The following ZNF529 variants were observed in gnomAD, a reference collection of about 807,000 sequenced individuals.
ZNF529 encodes zinc finger protein 529.
A neutral mutation model predicts 10.1 loss-of-function variants in ZNF529; 11 were observed. That is an observed-to-expected ratio of 1.09 (90% CI 0.69 to 1.81). The LOEUF is 1.81. Among genes scored for constraint, ZNF529 ranks in the 40% most tolerant of loss-of-function variants. The pLI is 0.00. For missense variants in ZNF529, 624 were observed against 666.8 expected, an observed-to-expected ratio of 0.94 and a Z score of 0.71; for synonymous variants, 204 against 215.7, an observed-to-expected ratio of 0.95 and a Z score of 0.47.
intron 4 of ZNF529, among the ~76,000 whole-genome samples, chr19:36,548,681 C>T (rs1237567601): frequency 6.6e-6 from 1 of 152,174 alleles, no homozygotes; most frequent in Non-Finnish European, 1.5e-5. Context: ...GTTTTCCTCC[C>T]CAAAAATAAA....
At chr19:36,601,287 G>A (rs993220569) in intron 1 of ZNF529, among the ~76,000 whole-genome samples, 4 of 150,720 alleles carry the variant, frequency 2.7e-5, no homozygotes, top group African/African-American at 9.8e-5. Flanking sequence ...TTTATTTTTA[G>A]TAGAAATGGA....
At chr19:36,602,582 A>T (rs1218202075) in intron 1 of ZNF529, among the ~76,000 whole-genome samples, 1 of 152,070 alleles carries the variant, frequency 6.6e-6, no homozygotes, top group East Asian at 1.9e-4. Context: ...CCCAGAGACC[A>T]TTATACCATA....
In ZNF529 at chr19:36,547,398, A is replaced by C; in HGVS notation, c.1160T>G (p.Ile387Ser). Reference protein sequence around the residue: ...VCRELARHQRIHTGKKPYECK... With the variant: ...VCRELARHQRSHTGKKPYECK... The stretch of plus-strand genomic sequence containing the variant: ...TTCATAGGGTTTCTTACCAGTATGA[A>C]TTCTCTGATGACGAGCAAGTTCTCT... Residue 387 changes from isoleucine to serine, a missense_variant, in exon 5 of 5, where the codon ATT (isoleucine) becomes AGT (serine). Transcript: ENST00000591340. The C allele has an allele frequency of 6.2e-7, 1 of 1,613,938 alleles. No individual in the cohort carries two copies. The highest frequency in any genetic ancestry group is 1.3e-5 in the African/African-American group (1 of 75,008).
chr19:36,596,574 G>A (rs920021725), intron 1 of ZNF529, among the ~76,000 whole-genome samples: 1 of 151,744 alleles, frequency 6.6e-6, no homozygotes, highest in African/African-American at 2.4e-5. Context: ...CTGGAGTACA[G>A]TGACTTGGTC....
rs2035117263 is a variant in ZNF529, at chr19:36,548,049, G to A, written c.509C>T (p.Pro170Leu). Residue 170 changes from proline to leucine, a missense_variant, in exon 5 of 5, where the codon CCC (proline) becomes CTC (leucine). Physicochemically the swap from Pro to Leu is moderately conservative, Grantham distance 98. Transcript: ENST00000591340. ...LPRRTHDSEK[P>L]YEYKEYEKVF... ...CTTCTCATATTCCTTGTATTCATAG[G>A]GCTTCTCACTGTCATGAGTTCTCCG... 6.2e-7 allele frequency: 1 copy of A among 1,613,576 alleles called. No individual in the cohort carries two copies. Among genetic ancestry groups the A allele is most frequent in the African/African-American group, 1.3e-5 (1 of 74,842 alleles).
intron 1 of ZNF529, among the ~76,000 whole-genome samples, chr19:36,592,982 C>G (rs56917177): frequency 2.7e-3 from 418 of 152,158 alleles, no homozygotes; most frequent in African/African-American, 9.7e-3. Flanking sequence ...AAACTTCCAG[C>G]TATAATATAG....
At chr19:36,558,641 A>G (rs372911562) in intron 2 of ZNF529, among the ~76,000 whole-genome samples, 9 of 152,296 alleles carry the variant, frequency 5.9e-5, no homozygotes, top group African/African-American at 2.2e-4. Flanking sequence ...TTAACTCAAA[A>G]TGGATTAAAG....
chr19:36,548,211 C>G lies in ZNF529; in HGVS notation c.347G>C (p.Gly116Ala), dbSNP rs567118907. ...TTGCCAGTCATTTCTGAAAATGGAACCTTCAAGGCCACATAACTTGCTACT... is the reference window on the plus strand; with the variant it reads ...TTGCCAGTCATTTCTGAAAATGGAAGCTTCAAGGCCACATAACTTGCTACT... ...MESSKLCGLEGSIFRNDWQSK... is the reference protein window; with the variant it reads ...MESSKLCGLEASIFRNDWQSK... The change falls in exon 5 of 5, where the codon GGT (glycine) becomes GCT (alanine). Residue 116 changes from glycine (G) to alanine (A), a missense_variant. Coordinates refer to ENST00000591340, the MANE Select transcript of ZNF529 (RefSeq NM_020951.5). The G allele has an allele frequency of 2.5e-6, 4 of 1,613,810 alleles. No individual in the cohort carries two copies. The highest frequency in any genetic ancestry group is 1.7e-6 in the Non-Finnish European group (2 of 1,179,844).
rs1568573574 is a variant in ZNF529, at chr19:36,548,089, A to T, written c.469T>A (p.Ser157Thr). Residue 157 changes from serine (S) to threonine (T), a missense_variant, in exon 5 of 5, where the codon TCT becomes ACT. By Grantham distance (58) the Ser-to-Thr change is moderately conservative. Coordinates refer to ENST00000591340, the MANE Select transcript of ZNF529 (RefSeq NM_020951.5). ...TGAGTTCTCCGAGGTAAAGTAAGAG[A>T]TTCATGAGTTTTGTAACTGGGCACA... Reference protein sequence around the residue: ...ENVPSYKTHESLTLPRRTHDS... With the variant: ...ENVPSYKTHETLTLPRRTHDS... 7 of 1,613,860 alleles carry T rather than the reference A, an allele frequency of 4.3e-6. No individual in the cohort carries two copies. Among genetic ancestry groups the T allele is most frequent in the Non-Finnish European group, 5.9e-6 (7 of 1,179,858 alleles).
chr19:36,585,430 C>T (rs2036559882), intron 2 of ZNF529, among the ~76,000 whole-genome samples: 1 of 152,184 alleles, frequency 6.6e-6, no homozygotes, highest in African/African-American at 2.4e-5. Flanking sequence ...CCCACCTGCA[C>T]TGTTTTTAGT....
At chr19:36,565,744 G>A (rs1371545533) in intron 2 of ZNF529, among the ~76,000 whole-genome samples, 5 of 151,994 alleles carry the variant, frequency 3.3e-5, no homozygotes, top group Non-Finnish European at 5.9e-5. Context: ...TACCTAAATA[G>A]GCAAATACAA....
At chr19:36,600,025 T>C (rs183636635) in intron 1 of ZNF529, among the ~76,000 whole-genome samples, 2 of 152,176 alleles carry the variant, frequency 1.3e-5, no homozygotes, top group East Asian at 3.9e-4. Context: ...TGTGCCACCG[T>C]GCCCAGCTAA....
rs956280518 is a variant in ZNF529 at position 36,573,246 on chromosome 19, G to T, written c.-153C>A. Reference sequence around the variant, plus strand: ...CACCTCACCGCGAGCTCCTCCCGCAGCCCGGCCCGGGTCACCTCGACTCGC... The same window carrying T: ...CACCTCACCGCGAGCTCCTCCCGCATCCCGGCCCGGGTCACCTCGACTCGC... On this transcript the variant is annotated 5_prime_UTR_variant, in exon 1 of 5. It adds an upstream start codon to the 5' untranslated region. Coordinates refer to ENST00000591340, the MANE Select transcript of ZNF529 (RefSeq NM_020951.5). The T allele has an allele frequency of 6.4e-6, 2 of 311,948 alleles. No homozygotes were observed. The highest frequency in any genetic ancestry group is 4.9e-5 in the South Asian group (2 of 41,080). The allele number at this position is 311,948 out of a possible 1,614,324, so 19.3% of individuals were successfully genotyped here. A position where few individuals can be genotyped will look rare whatever the true frequency, so the allele number is the denominator to read the frequency against.
chr19:36,591,388 T>C (rs906160522), intron 1 of ZNF529, among the ~76,000 whole-genome samples: 1 of 150,870 alleles, frequency 6.6e-6, no homozygotes, highest in African/African-American at 2.4e-5. Context: ...AAAAAAAATA[T>C]ATAACTTACT....
intron 2 of ZNF529, among the ~76,000 whole-genome samples, chr19:36,561,975 C>T (rs2035715361): frequency 6.6e-6 from 1 of 152,192 alleles, no homozygotes; most frequent in Non-Finnish European, 1.5e-5. Flanking sequence ...GTGGCTCATG[C>T]CTATAATCCC....
chr19:36,603,464 AT>A (rs1352316666), intron 1 of ZNF529, among the ~76,000 whole-genome samples: 1 of 152,244 alleles, frequency 6.6e-6, no homozygotes, highest in Non-Finnish European at 1.5e-5. Context: ...AAATGAAGTT[AT>A]TCCACATCCT....
At chr19:36,591,877 C>T (rs2036725945) in intron 1 of ZNF529, among the ~76,000 whole-genome samples, 1 of 152,068 alleles carries the variant, frequency 6.6e-6, no homozygotes, top group South Asian at 2.1e-4. Flanking sequence ...GAGGACAGTT[C>T]ATTTTTTGAG....
At chr19:36,573,387 C>G (rs1311168183), upstream of ZNF529, 4 of 463,974 alleles carry the variant, frequency 8.6e-6, no homozygotes, top group African/African-American at 2.0e-5. Context: ...GAAGCTCAAG[C>G]GGAGCCCGCT....
chr19:36,595,002 C>G, intron 1 of ZNF529, among the ~76,000 whole-genome samples: 1 of 152,112 alleles, frequency 6.6e-6, no homozygotes, highest in East Asian at 1.9e-4. Flanking sequence ...CCTCAGCCTC[C>G]TGAGTAGCTG....
Sources: gnomAD v4.1 joint callset for allele counts (sites outside exome capture counted in the v4.1 genomes callset) on GRCh38, gnomAD v4.1.1 for gene constraint, MANE v1.5 for transcripts, NCBI Gene and HGNC (gene_info 2026-07-23, HGNC 2026-07-21) for gene names.